Variants in ROCK2 observed in about 807,000 individuals in gnomAD.
ROCK2 encodes Rho associated coiled-coil containing protein kinase 2.
Under a neutral mutation model 195.1 loss-of-function variants are expected in ROCK2, and 61 were observed. That is an observed-to-expected ratio of 0.31 (90% CI 0.25 to 0.39). The LOEUF is 0.39. Ranked by LOEUF, ROCK2 falls within the 10% of genes least tolerant of loss-of-function variation. The pLI is 1.00. For synonymous variants in ROCK2, 504 were observed against 545.5 expected, an observed-to-expected ratio of 0.92 and a Z score of 1.06; for missense variants, 1,109 against 1,637.4, an observed-to-expected ratio of 0.68 and a Z score of 5.57.
At chr2:11,221,089 GA>G (rs1176167877) in intron 9 of ROCK2, 108 bp downstream of exon 9, 1 of 773,050 alleles carries the variant, frequency 1.3e-6, no homozygotes, top group African/African-American at 1.8e-5. Flanking sequence ...AGTCCTTTTG[GA>G]AAAAACAAAT....
intron 1 of ROCK2, among the ~76,000 whole-genome samples, chr2:11,331,673 T>A (rs1668770330): frequency 6.6e-6 from 1 of 152,002 alleles, no homozygotes; most frequent in Admixed American, 6.6e-5. Flanking sequence ...ACGCCTGTAA[T>A]CCCAGCACTT....
At chr2:11,191,554 A>C (rs2148028988) in intron 32 of ROCK2, among the ~76,000 whole-genome samples, 1 of 152,308 alleles carries the variant, frequency 6.6e-6, no homozygotes, top group East Asian at 1.9e-4. Context: ...CAACATAATA[A>C]AAGCTTATAA....
intron 32 of ROCK2, among the ~76,000 whole-genome samples, chr2:11,185,930 T>C (rs1218848445): frequency 6.6e-6 from 1 of 152,152 alleles, no homozygotes; most frequent in Non-Finnish European, 1.5e-5. Context: ...TGTATATGAT[T>C]TACCTACTGC....
chr2:11,314,727 C>T (rs770371448), intron 1 of ROCK2, among the ~76,000 whole-genome samples: 1 of 151,836 alleles, frequency 6.6e-6, no homozygotes, highest in Non-Finnish European at 1.5e-5. Flanking sequence ...ATAGCTAAAC[C>T]ATATTGTGGT....
chr2:11,188,173 C>T (rs976513521), intron 32 of ROCK2, among the ~76,000 whole-genome samples: 5 of 135,516 alleles, frequency 3.7e-5, no homozygotes, highest in Admixed American at 8.3e-5. Context: ...TGCAGTGGTG[C>T]GATCTCGGCT....
In ROCK2 at chr2:11,239,985, C is replaced by T. The variant is rs542354478; in HGVS notation, c.463-4023G>A. 1.5e-3 allele frequency among the ~76,000 whole-genome samples: 230 copies of T among 152,314 alleles called. 1 individual carries two copies. The highest frequency in any genetic ancestry group is 5.3e-3 in the African/African-American group (219 of 41,560). On this transcript the variant is annotated intron_variant, in intron 4 of 32. Coordinates refer to ENST00000315872, the MANE Select transcript of ROCK2 (RefSeq NM_004850.5). ...ACAGGACAAAGTGTGGAACAGATTA[C>T]AGAGCTTCTCCACCCTGTCTGTGTA... is the stretch of plus-strand genomic sequence containing the variant.
intron 12 of ROCK2, 42 bp from the exon 13 acceptor site, chr2:11,216,248 A>G (rs777555045): frequency 3.0e-6 from 4 of 1,321,538 alleles, no homozygotes; most frequent in African/African-American, 2.9e-5. Flanking sequence ...CTTCTAATTT[A>G]CAATAAAACA....
intron 20 of ROCK2, among the ~76,000 whole-genome samples, chr2:11,203,277 C>T (rs188241054): frequency 6.6e-6 from 1 of 152,148 alleles, no homozygotes; most frequent in East Asian, 1.9e-4. Flanking sequence ...GAGAACAATA[C>T]AATTTGTATG....
chr2:11,223,843 A>G (rs1383701726), intron 7 of ROCK2, among the ~76,000 whole-genome samples: 1 of 152,170 alleles, frequency 6.6e-6, no homozygotes, highest in Non-Finnish European at 1.5e-5. Flanking sequence ...TGTTTTTAAA[A>G]GTATGGAATT....
Position 11,205,691 on chromosome 2 carries a change from G to A in ROCK2, c.2549+2035C>T, listed in dbSNP as rs531068601. Among the ~76,000 whole-genome samples, 7 of 151,674 alleles carry A rather than the reference G, an allele frequency of 4.6e-5. No homozygotes were observed. The South Asian group carries it at 1.5e-3, about 32-fold the overall frequency. ...ATAAAATGCTAGTAAACTTCTCATGGGTAGGAAATGTATTTGGTTAATCTT... is the reference window on the plus strand; with the variant it reads ...ATAAAATGCTAGTAAACTTCTCATGAGTAGGAAATGTATTTGGTTAATCTT... On this transcript the variant is annotated intron_variant, in intron 20 of 32. Transcript: ENST00000315872.
intron 1 of ROCK2, chr2:11,308,972 A>T: frequency 6.2e-7 from 1 of 1,608,804 alleles, no homozygotes; most frequent in African/African-American, 1.3e-5. Context: ...AACTTCTGTG[A>T]ATTTTACCAC....
At position 11,182,517 on chromosome 2, in the gene ROCK2, A is replaced by C. The variant is rs1314880096; in HGVS notation, c.*920T>G. ...ACCATCCATTATTGTTTCTATAACC[A>C]ATAATACTTTAAAAACATTTGTTAA... On this transcript the variant is annotated 3_prime_UTR_variant, in exon 33 of 33. Coordinates refer to ENST00000315872, the MANE Select transcript of ROCK2 (RefSeq NM_004850.5). 2.6e-5 allele frequency: 4 copies of C among 152,274 alleles called. No individual in the cohort carries two copies. Among genetic ancestry groups the C allele is most frequent in the African/African-American group, 9.6e-5 (4 of 41,480 alleles). 9.4% of individuals were successfully genotyped at this position (152,274 alleles called of 1,614,324 possible).
chr2:11,307,547 C>T (rs1158161999), intron 1 of ROCK2, among the ~76,000 whole-genome samples: 2 of 151,958 alleles, frequency 1.3e-5, no homozygotes, highest in African/African-American at 2.4e-5. Context: ...CTCTTGACCT[C>T]GTGATCCGCC....
At chr2:11,183,748 TA>T (rs5829295) in intron 32 of ROCK2, among the ~76,000 whole-genome samples, 135,213 of 152,180 alleles carry the variant, frequency 0.89, 60,195 homozygotes, top group East Asian at 0.99. Context: ...ACTTAGAAGA[TA>T]AAAGTTTGAT....
intron 7 of ROCK2, among the ~76,000 whole-genome samples, chr2:11,223,602 TTCCCAAAAAA>T (rs1484696006): frequency 2.6e-4 from 40 of 152,280 alleles, no homozygotes; most frequent in Admixed American, 7.8e-4. Context: ...GTAAAATTAT[TTCCCAAAAAA>T]GTAAAAATAA....
At chr2:11,281,429 G>C (rs1422955140) in intron 3 of ROCK2, among the ~76,000 whole-genome samples, 1 of 152,128 alleles carries the variant, frequency 6.6e-6, no homozygotes, top group Non-Finnish European at 1.5e-5. Flanking sequence ...AGGAAGTAAA[G>C]CGTATACAGA....
chr2:11,286,433 T>C (rs1667192070), intron 3 of ROCK2, 106 bp downstream of exon 3: 3 of 714,634 alleles, frequency 4.2e-6, no homozygotes, highest in Middle Eastern at 2.5e-4. Context: ...CAAAGCCACC[T>C]TCTGGCATGG....
At chr2:11,328,992 C>T (rs1428557888) in intron 1 of ROCK2, among the ~76,000 whole-genome samples, 1 of 151,316 alleles carries the variant, frequency 6.6e-6, no homozygotes, top group Non-Finnish European at 1.5e-5. Flanking sequence ...GGGTGCAGCA[C>T]ACCAGCATGG....
Position 11,235,681 on chromosome 2 carries a change from T to G in ROCK2, c.723+21A>C. The G allele has an allele frequency of 1.3e-6, 2 of 1,589,032 alleles. No individual in the cohort carries two copies. Among genetic ancestry groups the G allele is most frequent in the African/African-American group, 2.7e-5 (2 of 74,252 alleles). ...TTCTGTCCCTCAAAACACTATCGTTTTAAATAATTTGCTTACTTACTTCAT... is the reference window on the plus strand; with the variant it reads ...TTCTGTCCCTCAAAACACTATCGTTGTAAATAATTTGCTTACTTACTTCAT... On this transcript the variant is annotated intron_variant, in intron 5 of 32. Coordinates refer to ENST00000315872, the MANE Select transcript of ROCK2 (RefSeq NM_004850.5). This position sits in a 1 kb window ranked among gnomAD's most constrained non-coding sequence, Gnocchi z 4.2.
Sources: allele counts gnomAD v4.1 joint callset (sites outside exome capture counted in the v4.1 genomes callset), GRCh38; gene constraint gnomAD v4.1.1; non-coding constraint Gnocchi (gnomAD v3.1); transcripts MANE v1.5; gene names NCBI Gene and HGNC (gene_info 2026-07-23, HGNC 2026-07-21).